The following PPIG variants were observed in gnomAD, a reference collection of about 807,000 sequenced individuals.
The protein encoded by PPIG is peptidylprolyl isomerase G, also known as peptidyl-prolyl cis-trans isomerase G.
In PPIG, 26 loss-of-function variants were observed where a neutral mutation model predicts 87.9. The ratio of observed to expected loss-of-function variants is 0.30; its 90% CI spans 0.22 to 0.41. PPIG has a LOEUF of 0.41. PPIG is among the 10% of genes least tolerant of loss of function. The pLI is 1.00. For synonymous variants in PPIG, 308 were observed against 276.5 expected, an observed-to-expected ratio of 1.11 and a Z score of -1.13; for missense variants, 722 against 879.4, an observed-to-expected ratio of 0.82 and a Z score of 2.26.
intron 9 of PPIG, among the ~76,000 whole-genome samples, chr2:169,617,239 A>T (rs1024292025): frequency 1.3e-5 from 2 of 152,198 alleles, no homozygotes; most frequent in Admixed American, 6.5e-5. Context: ...TGGTACCAGT[A>T]CCATGCTGTT....
chr2:169,633,257 T>G lies in PPIG; in HGVS notation c.1017+10T>G, dbSNP rs1481810548. 2 of 1,546,608 alleles carry G rather than the reference T, an allele frequency of 1.3e-6. No individual in the cohort carries two copies. Among genetic ancestry groups the G allele is most frequent in the Non-Finnish European group, 1.8e-6 (2 of 1,120,658 alleles). On this transcript the variant is annotated intron_variant, in intron 12 of 13. Transcript: ENST00000260970. ...AGGAAGAGGACCAAGGGTAGGTGAT[T>G]CTTTCCCCAGAGATCTTCACAATAT...
At chr2:169,615,044 T>G (rs561559828) in intron 9 of PPIG, among the ~76,000 whole-genome samples, 174 of 152,010 alleles carry the variant, frequency 1.1e-3, no homozygotes, top group Middle Eastern at 3.4e-3. Context: ...GGGTTTTTTT[T>G]TTGTTGTTTG....
chr2:169,608,344 C>G (rs912807848), intron 6 of PPIG, among the ~76,000 whole-genome samples: 1 of 151,814 alleles, frequency 6.6e-6, no homozygotes, highest in Non-Finnish European at 1.5e-5. Context: ...CAAAAATTAG[C>G]TGGGCGTGGT....
intron 1 of PPIG, among the ~76,000 whole-genome samples, chr2:169,601,608 G>A (rs1685186217): frequency 6.6e-6 from 1 of 152,164 alleles, no homozygotes; most frequent in Non-Finnish European, 1.5e-5. Context: ...AGCATTCCAG[G>A]TGGAGAGAAC....
At chr2:169,606,243 C>A in intron 5 of PPIG, 97 bp downstream of exon 5, 1 of 845,920 alleles carries the variant, frequency 1.2e-6, no homozygotes, top group Non-Finnish European at 2.0e-6. Flanking sequence ...ATTCTTGTCA[C>A]TCTCACTCCA....
intron 9 of PPIG, among the ~76,000 whole-genome samples, chr2:169,619,637 T>C (rs935716558): frequency 6.6e-6 from 1 of 152,050 alleles, no homozygotes; most frequent in Admixed American, 6.5e-5. Context: ...CCTCTTTCTG[T>C]TTTTGATTTT....
intron 12 of PPIG, 23 bp downstream of exon 12, chr2:169,633,270 A>T: frequency 6.8e-7 from 1 of 1,464,336 alleles, no homozygotes. Flanking sequence ...TTCCCCAGAG[A>T]TCTTCACAAT....
At chr2:169,585,524 G>T (rs950624988) in intron 1 of PPIG, among the ~76,000 whole-genome samples, 2 of 152,072 alleles carry the variant, frequency 1.3e-5, no homozygotes, top group Non-Finnish European at 2.9e-5. Context: ...CTCCCAAAGT[G>T]CTGGGATTAC....
chr2:169,631,714 T>C, intron 10 of PPIG, 52 bp from the exon 11 acceptor site: 3 of 1,611,280 alleles, frequency 1.9e-6, no homozygotes, highest in Non-Finnish European at 2.5e-6. Context: ...GATACTTCCG[T>C]AAGGACATAA....
intron 9 of PPIG, among the ~76,000 whole-genome samples, chr2:169,626,517 G>A (rs985735656): frequency 9.3e-5 from 14 of 150,870 alleles, no homozygotes; most frequent in East Asian, 2.0e-4. Flanking sequence ...TCAGCCTCCC[G>A]AGTAGCTGGG....
rs1490268106 is a variant in PPIG, at chr2:169,635,967, T to A, written c.1018-125T>A. The A allele has an allele frequency of 2.6e-5, 13 of 498,800 alleles. No individual in the cohort carries two copies. In the East Asian group the frequency reaches 3.4e-4, roughly 13 times the overall value. 30.9% of individuals were successfully genotyped at this position (498,800 alleles called of 1,614,324 possible). ...GCTACTGTTTCAATGCTTTTTATAT[T>A]TTTTTTATTTTGTACCCCTTACTAC... On this transcript the variant is annotated intron_variant, in intron 12 of 13. Coordinates refer to ENST00000260970, the MANE Select transcript of PPIG (RefSeq NM_004792.3).
intron 1 of PPIG, among the ~76,000 whole-genome samples, chr2:169,599,738 C>T (rs1161686333): frequency 6.6e-6 from 1 of 152,062 alleles, no homozygotes; most frequent in Non-Finnish European, 1.5e-5. Flanking sequence ...GTCACAGTGA[C>T]TGATATTTAA....
intron 7 of PPIG, among the ~76,000 whole-genome samples, chr2:169,612,342 C>T (rs969138770): frequency 6.7e-6 from 1 of 149,132 alleles, no homozygotes; most frequent in African/African-American, 2.5e-5. Context: ...AAAATGTTTC[C>T]AAGGTTTATT....
At chr2:169,630,717 C>G (rs1574463707) in intron 9 of PPIG, 57 bp from the exon 10 acceptor site, 2 of 1,417,642 alleles carry the variant, frequency 1.4e-6, no homozygotes, top group Admixed American at 2.1e-5. Context: ...ATTTAAATCT[C>G]CTTCCACAAA....
intron 9 of PPIG, among the ~76,000 whole-genome samples, chr2:169,623,581 A>G (rs1685809676): frequency 6.6e-6 from 1 of 152,190 alleles, no homozygotes; most frequent in Admixed American, 6.5e-5. Flanking sequence ...AAATAGCACA[A>G]TAGAGGAAGC....
At chr2:169,628,367 TC>T (rs779970604) in intron 9 of PPIG, among the ~76,000 whole-genome samples, 4 of 152,196 alleles carry the variant, frequency 2.6e-5, no homozygotes, top group South Asian at 4.1e-4. Context: ...TATACCTTGT[TC>T]CCATTCTCAA....
chr2:169,602,689 G>T (rs1685217973), intron 1 of PPIG, among the ~76,000 whole-genome samples: 1 of 152,294 alleles, frequency 6.6e-6, no homozygotes, highest in African/African-American at 2.4e-5. Flanking sequence ...TTTTTATTGA[G>T]CAGTGCTGGT....
intron 1 of PPIG, among the ~76,000 whole-genome samples, chr2:169,600,932 A>G (rs977490313): frequency 2.3e-5 from 3 of 133,142 alleles, no homozygotes; most frequent in Non-Finnish European, 3.2e-5. Flanking sequence ...CAAAAATTCA[A>G]ACCTTATACG....
intron 9 of PPIG, among the ~76,000 whole-genome samples, chr2:169,620,344 C>G (rs1685711962): frequency 6.6e-6 from 1 of 151,896 alleles, no homozygotes; most frequent in Non-Finnish European, 1.5e-5. Flanking sequence ...TGTCCTTTCC[C>G]CATTGTGTGT....
Sources: allele counts gnomAD v4.1 joint callset (sites outside exome capture counted in the v4.1 genomes callset), GRCh38; gene constraint gnomAD v4.1.1; transcripts MANE v1.5; gene names NCBI Gene and HGNC (gene_info 2026-07-23, HGNC 2026-07-21).